TBC1D32: variants seen among roughly 807,000 people sequenced by gnomAD.
TBC1D32 encodes the protein TBC1 domain family member 32, also known as protein broad-minded.
Under a neutral mutation model 170.3 loss-of-function variants are expected in TBC1D32, and 151 were observed. The ratio of observed to expected loss-of-function variants is 0.89; its 90% CI spans 0.78 to 1.01. The LOEUF (loss-of-function observed/expected upper bound fraction) is 1.01. Ranked by LOEUF, TBC1D32 falls within the 50% of genes least tolerant of loss-of-function variation. The pLI, the probability that TBC1D32 is intolerant of heterozygous loss-of-function variation, is 0.00. For missense variants in TBC1D32, 1,464 were observed against 1,457.1 expected (o/e 1.00, Z -0.08); for synonymous variants, 498 against 488.0 (o/e 1.02, Z -0.27).
rs1022943830 is a variant in TBC1D32 at position 121,126,420 on chromosome 6, C to A, written c.2941G>T (p.Glu981Ter). ...GGGAAGTAGCATTCAGATGGGCTTT[C>A]AGTGAGATGAAGCACAAATTTTTCA... ...LLEKFVLHLT[E>*]SPSECYFPSV... Residue 981 changes from glutamate (E) to a stop codon, truncating the protein, a stop_gained, in exon 26 of 32, where the codon GAA (glutamate) becomes TAA (stop). Coordinates refer to ENST00000398212, the MANE Select transcript of TBC1D32 (RefSeq NM_152730.6). LOFTEE classifies it high-confidence loss of function. The A allele has an allele frequency of 1.9e-6, 3 of 1,612,628 alleles. No individual in the cohort carries two copies. The highest frequency in any genetic ancestry group is 2.5e-6 in the Non-Finnish European group (3 of 1,179,406).
intron 22 of TBC1D32, among the ~76,000 whole-genome samples, chr6:121,172,750 C>A (rs1051417489): frequency 5.3e-5 from 8 of 152,146 alleles, no homozygotes; most frequent in Non-Finnish European, 1.5e-5. Flanking sequence ...AAGAAAATAT[C>A]TTCATTTTAT....
intron 30 of TBC1D32, among the ~76,000 whole-genome samples, chr6:121,100,588 T>A (rs1445535127): frequency 6.6e-6 from 1 of 152,020 alleles, no homozygotes; most frequent in African/African-American, 2.4e-5. Flanking sequence ...TTTAAAGCAG[T>A]GTGTAGAGGG....
intron 21 of TBC1D32, among the ~76,000 whole-genome samples, chr6:121,220,566 T>C (rs1027122044): frequency 8.6e-5 from 13 of 151,950 alleles, no homozygotes; most frequent in Admixed American, 7.2e-4. Context: ...AGTGCTGATG[T>C]AGAAGTTGCA....
intron 15 of TBC1D32, among the ~76,000 whole-genome samples, chr6:121,263,602 G>C (rs756840341): frequency 5.3e-5 from 8 of 152,156 alleles, no homozygotes; most frequent in Non-Finnish European, 1.0e-4. Context: ...GGACCTAATA[G>C]ATATCTACAG....
At chr6:121,149,382 C>T (rs550873788) in intron 24 of TBC1D32, among the ~76,000 whole-genome samples, 11 of 151,958 alleles carry the variant, frequency 7.2e-5, no homozygotes, top group East Asian at 3.9e-4. Context: ...GGGGTCTTTA[C>T]GGTTTTAAGT....
At chr6:121,278,507 T>C (rs1257497443) in intron 15 of TBC1D32, among the ~76,000 whole-genome samples, 1 of 152,138 alleles carries the variant, frequency 6.6e-6, no homozygotes, top group African/African-American at 2.4e-5. Flanking sequence ...CAGTGTTATT[T>C]ATGGAGAGAA....
chr6:121,209,473 C>A (rs779694490), intron 21 of TBC1D32, among the ~76,000 whole-genome samples: 1 of 152,154 alleles, frequency 6.6e-6, no homozygotes, highest in Non-Finnish European at 1.5e-5. Context: ...TTGACCAATA[C>A]TTGCCTGCTT....
intron 15 of TBC1D32, among the ~76,000 whole-genome samples, chr6:121,275,826 A>C (rs1802129290): frequency 6.6e-6 from 1 of 152,100 alleles, no homozygotes; most frequent in African/African-American, 2.4e-5. Context: ...TATTTTTCTT[A>C]TTAATTAATC....
At chr6:121,193,926 G>A (rs1015472945) in intron 22 of TBC1D32, among the ~76,000 whole-genome samples, 2 of 152,148 alleles carry the variant, frequency 1.3e-5, no homozygotes, top group African/African-American at 4.8e-5. Context: ...CCCCACTTCA[G>A]TACCAACAAT....
At chr6:121,278,981 G>T in intron 15 of TBC1D32, 140 bp downstream of exon 15, 1 of 853,656 alleles carries the variant, frequency 1.2e-6, no homozygotes, top group Non-Finnish European at 1.7e-6. Context: ...TGAAATTACA[G>T]ACGTCAAGTT....
intron 22 of TBC1D32, among the ~76,000 whole-genome samples, chr6:121,178,847 C>T (rs778151765): frequency 5.3e-5 from 8 of 152,104 alleles, no homozygotes; most frequent in Admixed American, 3.9e-4. Flanking sequence ...AGCCTTCAGT[C>T]CTAAATCTGT....
chr6:121,121,940 T>C lies in TBC1D32; in HGVS notation c.2983+4438A>G, dbSNP rs1001276986. ...TAATTTGTATTTGTAGCCCACACTT[T>C]TCCTCTAAACTCGATTCACATGTCC... On this transcript the variant is annotated intron_variant, in intron 26 of 31. Transcript: ENST00000398212. Among the ~76,000 whole-genome samples, 4 of 152,120 alleles carry C rather than the reference T, an allele frequency of 2.6e-5. No homozygotes were observed. The East Asian group carries it at 5.8e-4, about 22-fold the overall frequency.
Position 121,100,682 on chromosome 6 carries a change from G to C in TBC1D32, c.3465+5341C>G, listed in dbSNP as rs575871941. Among the ~76,000 whole-genome samples, 3 of 151,974 alleles carry C rather than the reference G, an allele frequency of 2.0e-5. No individual in the cohort carries two copies. In the East Asian group the frequency reaches 5.8e-4, roughly 29 times the overall value. On this transcript the variant is annotated intron_variant, in intron 30 of 31. Coordinates refer to ENST00000398212, the MANE Select transcript of TBC1D32 (RefSeq NM_152730.6). Reference sequence around the variant, plus strand: ...TAACATCACAATTAAAAGAACTAGAGAAGCAAGAGCAAACACATTCAAAAG... The same window carrying C: ...TAACATCACAATTAAAAGAACTAGACAAGCAAGAGCAAACACATTCAAAAG...
chr6:121,312,837 T>C (rs1246158734), intron 3 of TBC1D32, among the ~76,000 whole-genome samples: 2 of 152,304 alleles, frequency 1.3e-5, no homozygotes, highest in East Asian at 1.9e-4. Flanking sequence ...AGTCTTTACA[T>C]AGACAATATA....
At chr6:121,136,173 C>A (rs1369264589) in intron 24 of TBC1D32, among the ~76,000 whole-genome samples, 2 of 152,066 alleles carry the variant, frequency 1.3e-5, no homozygotes, top group Non-Finnish European at 2.9e-5. Flanking sequence ...TTAAAGAAAA[C>A]ACAAACCAAA....
intron 15 of TBC1D32, among the ~76,000 whole-genome samples, chr6:121,262,332 T>C (rs1170701507): frequency 1.3e-5 from 2 of 151,818 alleles, no homozygotes; most frequent in Non-Finnish European, 2.9e-5. Flanking sequence ...ATCATCAGAT[T>C]CTCCAAGGTT....
chr6:121,173,010 G>C lies in TBC1D32; in HGVS notation c.2571-11954C>G, dbSNP rs57254486. ...GATGGTTAATATTGAGTGTTAACTT[G>C]ATTGTATTGAAGGATGCAAAATATT... On this transcript the variant is annotated intron_variant, in intron 22 of 31. Transcript: ENST00000398212. Among the ~76,000 whole-genome samples, 301 of 152,214 alleles carry C rather than the reference G, an allele frequency of 2.0e-3. 2 individuals are homozygous for C. Among genetic ancestry groups the C allele is most frequent in the African/African-American group, 6.9e-3 (285 of 41,524 alleles).
At chr6:121,168,789 G>A (rs1786521328) in intron 22 of TBC1D32, among the ~76,000 whole-genome samples, 1 of 146,144 alleles carries the variant, frequency 6.8e-6, no homozygotes, top group Non-Finnish European at 1.5e-5. Flanking sequence ...CAAGCCAAGA[G>A]CCAAATTATA....
At chr6:121,299,344 C>A in intron 10 of TBC1D32, 102 bp downstream of exon 10, 1 of 1,270,784 alleles carries the variant, frequency 7.9e-7, no homozygotes, top group South Asian at 1.4e-5. Flanking sequence ...CTTCATTATC[C>A]AATATTAATT....
Sources: allele counts gnomAD v4.1 joint callset (sites outside exome capture counted in the v4.1 genomes callset), GRCh38; gene constraint gnomAD v4.1.1; transcripts MANE v1.5; gene names NCBI Gene and HGNC (gene_info 2026-07-23, HGNC 2026-07-21).